Variants in TSC22D1 observed in about 807,000 individuals in gnomAD.
TSC22D1 encodes TSC22 domain family protein 1.
A neutral mutation model predicts 74.2 loss-of-function variants in TSC22D1; 9 were observed. The ratio of observed to expected loss-of-function variants is 0.12; its 90% CI spans 0.07 to 0.21. The LOEUF is 0.21. Ranked by LOEUF, TSC22D1 falls within the 10% of genes least tolerant of loss-of-function variation. The pLI, the probability that TSC22D1 is intolerant of heterozygous loss-of-function variation, is 1.00. For synonymous variants in TSC22D1, 586 were observed against 492.5 expected, an observed-to-expected ratio of 1.19 and a Z score of -2.51; for missense variants, 1,427 against 1,304.7, an observed-to-expected ratio of 1.09 and a Z score of -1.44.
intron 1 of TSC22D1, among the ~76,000 whole-genome samples, chr13:44,446,577 C>G (rs577377018): frequency 6.6e-6 from 1 of 152,252 alleles, no homozygotes; most frequent in East Asian, 1.9e-4. Flanking sequence ...AACCCCAAGA[C>G]TCAGCATCAC....
chr13:44,537,177 G>GA, intron 1 of TSC22D1: 5 of 872,842 alleles, frequency 5.7e-6, no homozygotes, highest in Non-Finnish European at 5.5e-6. Flanking sequence ...AGTCATTCTA[G>GA]AAAAAAATAG....
At chr13:44,447,503 G>C (rs983891258) in intron 1 of TSC22D1, among the ~76,000 whole-genome samples, 1 of 151,902 alleles carries the variant, frequency 6.6e-6, no homozygotes, top group African/African-American at 2.4e-5. Flanking sequence ...GAGTTTGTTG[G>C]TGATTAATCA....
intron 1 of TSC22D1, among the ~76,000 whole-genome samples, chr13:44,534,231 GAA>G (rs375484588): frequency 1.9e-4 from 19 of 99,958 alleles, no homozygotes; most frequent in Admixed American, 2.2e-4. Context: ...GTCTCAAGGA[GAA>G]AAAAAAAAAA....
At chr13:44,497,401 G>C (rs1228981321) in intron 1 of TSC22D1, among the ~76,000 whole-genome samples, 2 of 152,168 alleles carry the variant, frequency 1.3e-5, no homozygotes, top group Non-Finnish European at 2.9e-5. Context: ...GGCAAACTGG[G>C]AATTGCCACT....
intron 1 of TSC22D1, among the ~76,000 whole-genome samples, chr13:44,547,992 C>T (rs1881943568): frequency 6.6e-6 from 1 of 152,074 alleles, no homozygotes; most frequent in African/African-American, 2.4e-5. Flanking sequence ...TATATATTGC[C>T]TCATTCAATC....
At chr13:44,539,904 C>A in intron 1 of TSC22D1, 1 of 1,289,572 alleles carries the variant, frequency 7.8e-7, no homozygotes, top group Non-Finnish European at 1.0e-6. Context: ...ACTCCTTGCA[C>A]CTCTGGTAGG....
At chr13:44,457,637 CAAA>C (rs10692086) in intron 1 of TSC22D1, among the ~76,000 whole-genome samples, 13 of 85,418 alleles carry the variant, frequency 1.5e-4, no homozygotes, top group Non-Finnish European at 1.6e-4. Flanking sequence ...AAGCAAATAG[CAAA>C]AAAAAAAAAA....
intron 1 of TSC22D1, among the ~76,000 whole-genome samples, chr13:44,566,844 T>C (rs1278945317): frequency 2.0e-5 from 3 of 152,076 alleles, no homozygotes; most frequent in Admixed American, 2.0e-4. Context: ...CAATGGAGAA[T>C]GCCAAAAACA....
At chr13:44,572,220 G>T (rs917898940) in intron 1 of TSC22D1, among the ~76,000 whole-genome samples, 4 of 152,104 alleles carry the variant, frequency 2.6e-5, no homozygotes, top group Non-Finnish European at 4.4e-5. Context: ...CAACATGAAA[G>T]ATTTCACAAC....
At chr13:44,493,668 T>C (rs1878825201) in intron 1 of TSC22D1, among the ~76,000 whole-genome samples, 1 of 152,232 alleles carries the variant, frequency 6.6e-6, no homozygotes, top group African/African-American at 2.4e-5. Context: ...CACATCTTGC[T>C]GATCTTTAGG....
chr13:44,433,978 T>C lies in TSC22D1; in HGVS notation c.*648A>G, dbSNP rs886363663. The C allele has an allele frequency of 7.8e-6, 12 of 1,534,298 alleles. No homozygotes were observed. The highest frequency in any genetic ancestry group is 1.0e-5 in the Non-Finnish European group (12 of 1,146,478). Reference sequence around the variant, plus strand: ...AAAATAGTTACACTACATACACAAATATACAATAAGCAAAACAACCTTCAT... The same window carrying C: ...AAAATAGTTACACTACATACACAAACATACAATAAGCAAAACAACCTTCAT... On this transcript the variant is annotated 3_prime_UTR_variant, in exon 3 of 3. Coordinates refer to ENST00000458659, the MANE Select transcript of TSC22D1 (RefSeq NM_183422.4).
At chr13:44,516,065 A>G (rs999312350) in intron 1 of TSC22D1, among the ~76,000 whole-genome samples, 1 of 152,216 alleles carries the variant, frequency 6.6e-6, no homozygotes, top group African/African-American at 2.4e-5. Flanking sequence ...AACAGCTGAA[A>G]TAGAAAGTGG....
chr13:44,516,757 TTTAAAAG>T (rs564839340), intron 1 of TSC22D1, among the ~76,000 whole-genome samples: 24 of 152,318 alleles, frequency 1.6e-4, no homozygotes, highest in Non-Finnish European at 3.2e-4. Flanking sequence ...AGGCAGGATT[TTTAAAAG>T]TTAAATTTTC....
chr13:44,454,996 G>A (rs1179071689), intron 1 of TSC22D1, among the ~76,000 whole-genome samples: 2 of 152,114 alleles, frequency 1.3e-5, no homozygotes, highest in African/African-American at 2.4e-5. Flanking sequence ...TCTAGGCACA[G>A]GGGATTCAGT....
intron 1 of TSC22D1, among the ~76,000 whole-genome samples, chr13:44,529,996 C>G (rs1029212580): frequency 7.9e-5 from 12 of 152,198 alleles, no homozygotes; most frequent in African/African-American, 2.6e-4. Context: ...GTCAATTCTT[C>G]CCAACTTGAT....
chr13:44,487,820 GC>G (rs1878514809), intron 1 of TSC22D1, among the ~76,000 whole-genome samples: 1 of 152,162 alleles, frequency 6.6e-6, no homozygotes, highest in Non-Finnish European at 1.5e-5. Flanking sequence ...ACTTTGGGAG[GC>G]CAAGGCAGGC....
At chr13:44,436,797 G>A in intron 1 of TSC22D1, 1 of 1,430,272 alleles carries the variant, frequency 7.0e-7, no homozygotes, top group Non-Finnish European at 9.1e-7. Context: ...GGCAGATGCG[G>A]ATCCCAGTGC....
chr13:44,563,230 C>G (rs897899243), intron 1 of TSC22D1, among the ~76,000 whole-genome samples: 1 of 152,056 alleles, frequency 6.6e-6, no homozygotes, highest in Non-Finnish European at 1.5e-5. Context: ...GGTTGTTACC[C>G]CCTTTTTCAA....
intron 1 of TSC22D1, among the ~76,000 whole-genome samples, chr13:44,532,575 GC>G: frequency 6.6e-6 from 1 of 152,098 alleles, no homozygotes; most frequent in South Asian, 2.1e-4. Flanking sequence ...CCAGGTCCTC[GC>G]CATTCTCCTG....
Sources: allele counts gnomAD v4.1 joint callset (sites outside exome capture counted in the v4.1 genomes callset), GRCh38; gene constraint gnomAD v4.1.1; transcripts MANE v1.5; gene names NCBI Gene and HGNC (gene_info 2026-07-23, HGNC 2026-07-21).